The following BTRC variants were observed in gnomAD, a reference collection of about 807,000 sequenced individuals.
BTRC encodes beta-transducin repeat containing E3 ubiquitin protein ligase.
Under a neutral mutation model 85.5 loss-of-function variants are expected in BTRC, and 42 were observed. The observed-to-expected ratio is 0.49, with a 90% CI of 0.38 to 0.64. The LOEUF is 0.64. Ranked by LOEUF, BTRC falls within the 30% of genes least tolerant of loss-of-function variation. The pLI is 0.00. For synonymous variants in BTRC, 255 were observed against 263.3 expected (o/e 0.97, Z 0.30); for missense variants, 594 against 743.5 (o/e 0.80, Z 2.34).
chr10:101,366,938 T>TTA (rs1377900075), intron 1 of BTRC, among the ~76,000 whole-genome samples: 1 of 29,248 alleles, frequency 3.4e-5, no homozygotes, highest in Non-Finnish European at 8.0e-5. Context: ...TTATATATAT[T>TTA]TATATATATT....
Position 101,462,048 on chromosome 10 carries a change from CA to C in BTRC, c.225del (p.Arg77AspfsTer12). ...AGGAAGATAATACCAGAGAAGAATT[CA>C]CTTAGACAGGTATGAAATTCAGCCT... The part of the protein sequence containing the change: ...PPRKIIPEKN[S>X]LRQTYNSCAR... On this transcript the variant is annotated frameshift_variant, in exon 3 of 15. Coordinates refer to ENST00000370187, the MANE Select transcript of BTRC (RefSeq NM_033637.4). LOFTEE classifies it high-confidence loss of function. 1 of 1,609,242 alleles carries C rather than the reference CA, an allele frequency of 6.2e-7. No homozygotes were observed. The highest frequency in any genetic ancestry group is 8.5e-7 in the Non-Finnish European group (1 of 1,176,460).
At chr10:101,449,776 ATTG>A (rs1944913193) in intron 2 of BTRC, among the ~76,000 whole-genome samples, 1 of 150,574 alleles carries the variant, frequency 6.6e-6, no homozygotes, top group Admixed American at 6.6e-5. Context: ...TACTTTGTAC[ATTG>A]TTGTTGCATT....
rs555356813 is a variant in BTRC at position 101,524,267 on chromosome 10, C to G, written c.557-1746C>G. 3.9e-5 allele frequency among the ~76,000 whole-genome samples: 6 copies of G among 152,200 alleles called. No individual in the cohort carries two copies. In the South Asian group the frequency reaches 1.2e-3, roughly 32 times the overall value. On this transcript the variant is annotated intron_variant, in intron 5 of 14. Coordinates refer to ENST00000370187, the MANE Select transcript of BTRC (RefSeq NM_033637.4). ...CATTGGATTTTGTTTTAGCCATAGG[C>G]AAATAGTTTTCTTTGTACAAAACAG...
Position 101,354,351 on chromosome 10 carries a change from C to T in BTRC, c.48+123C>T, listed in dbSNP as rs957062290. ...CCCTGGGCCGAGGCTGGCGGCGGAG[C>T]GGCTGGAGGGATGGGATGGGAGCTC... On this transcript the variant is annotated intron_variant, in intron 1 of 14. Transcript: ENST00000370187. The T allele has an allele frequency of 1.2e-5, 13 of 1,125,794 alleles. No individual in the cohort carries two copies. The African/African-American group carries it at 1.5e-4, about 13-fold the overall frequency. The allele number at this position is 1,125,794 out of a possible 1,614,324, so 69.7% of individuals were successfully genotyped here. A position where few individuals can be genotyped will look rare whatever the true frequency, so the allele number is the denominator to read the frequency against.
chr10:101,416,885 C>T (rs1300000740), intron 1 of BTRC, among the ~76,000 whole-genome samples: 3 of 152,048 alleles, frequency 2.0e-5, no homozygotes, highest in African/African-American at 7.3e-5. Flanking sequence ...GAAATTTAGT[C>T]TGATAATAAT....
intron 4 of BTRC, among the ~76,000 whole-genome samples, chr10:101,515,594 C>A (rs1458491201): frequency 6.6e-6 from 1 of 151,508 alleles, no homozygotes; most frequent in Non-Finnish European, 1.5e-5. Context: ...TCACTGCAAT[C>A]TCCACCTCCC....
chr10:101,472,359 G>A (rs1945555364), intron 3 of BTRC, among the ~76,000 whole-genome samples: 1 of 118,240 alleles, frequency 8.5e-6, no homozygotes, highest in Non-Finnish European at 1.9e-5. Context: ...GTAGAGATGG[G>A]GTCTCTCCCT....
At chr10:101,480,153 A>T (rs992899201) in intron 4 of BTRC, among the ~76,000 whole-genome samples, 18 of 152,184 alleles carry the variant, frequency 1.2e-4, no homozygotes, top group Non-Finnish European at 2.6e-4. Context: ...TTTTACTTGA[A>T]TTATCTGCAA....
chr10:101,549,833 G>T (rs189851006), intron 13 of BTRC, among the ~76,000 whole-genome samples: 1 of 151,760 alleles, frequency 6.6e-6, no homozygotes, highest in Non-Finnish European at 1.5e-5. Context: ...TCTTCATCAG[G>T]GTGGTAACTG....
In BTRC at chr10:101,532,938, A is replaced by T. The variant is rs573967015; in HGVS notation, c.979-14A>T. On this transcript the variant is annotated splice_polypyrimidine_tract_variant and intron_variant, in intron 8 of 14. Coordinates refer to ENST00000370187, the MANE Select transcript of BTRC (RefSeq NM_033637.4). ...TCATCACATTGATCAAAAGGATCTT[A>T]TTTGCCATCCTAGATCTGGGATAAA... 285 of 1,584,532 alleles carry T rather than the reference A, an allele frequency of 1.8e-4. 1 individual carries two copies. The highest frequency in any genetic ancestry group is 8.4e-4 in the South Asian group (76 of 90,458).
chr10:101,531,943 C>G (rs2062288678), intron 7 of BTRC, among the ~76,000 whole-genome samples: 1 of 152,106 alleles, frequency 6.6e-6, no homozygotes, highest in Admixed American at 6.5e-5. Flanking sequence ...AGAAGTTCAT[C>G]AGTAGCAATC....
chr10:101,501,784 A>G (rs1451749164), intron 4 of BTRC, among the ~76,000 whole-genome samples: 1 of 152,258 alleles, frequency 6.6e-6, no homozygotes, highest in African/African-American at 2.4e-5. Context: ...CTTCAAAGAA[A>G]GGATACAAGT....
At chr10:101,404,026 A>AT (rs1438676972) in intron 1 of BTRC, among the ~76,000 whole-genome samples, 396 of 26,092 alleles carry the variant, frequency 0.015, 5 homozygotes, top group South Asian at 0.026. Flanking sequence ...ATATATATAT[A>AT]TATATTTTTT....
chr10:101,556,177 A>G lies in BTRC; in HGVS notation c.*3054A>G, dbSNP rs549832147. 23 of 152,130 alleles carry G rather than the reference A, an allele frequency of 1.5e-4. No individual in the cohort carries two copies. Among genetic ancestry groups the G allele is most frequent in the African/African-American group, 4.6e-4 (19 of 41,482 alleles). 9.4% of individuals were successfully genotyped at this position (152,130 alleles called of 1,614,324 possible). On this transcript the variant is annotated 3_prime_UTR_variant, in exon 15 of 15. Transcript: ENST00000370187. ...GAAAAGTCTGTGAGACCCCTACATC[A>G]TTCTGGTTTTTTTGCTTGAGTAAGA...
chr10:101,397,352 T>C (rs1431520880), intron 1 of BTRC, among the ~76,000 whole-genome samples: 1 of 152,208 alleles, frequency 6.6e-6, no homozygotes, highest in Admixed American at 6.5e-5. Flanking sequence ...TGATTAAAGC[T>C]AGCCTAGAAA....
intron 1 of BTRC, among the ~76,000 whole-genome samples, chr10:101,378,919 G>A (rs1942860204): frequency 6.6e-6 from 1 of 152,118 alleles, no homozygotes; most frequent in Admixed American, 6.5e-5. Context: ...CAGGTTTAGT[G>A]TTCAGTGTAA....
intron 12 of BTRC, among the ~76,000 whole-genome samples, chr10:101,537,021 C>T (rs1054388892): frequency 6.6e-6 from 1 of 152,140 alleles, no homozygotes; most frequent in Non-Finnish European, 1.5e-5. Flanking sequence ...TATTTGGGGA[C>T]TTAGTGTGGT....
chr10:101,385,567 T>C (rs1943048172), intron 1 of BTRC, among the ~76,000 whole-genome samples: 1 of 150,148 alleles, frequency 6.7e-6, no homozygotes, highest in South Asian at 2.1e-4. Context: ...TTCAAGGCTT[T>C]TTTTTTTAAT....
At chr10:101,407,841 G>A (rs979139788) in intron 1 of BTRC, among the ~76,000 whole-genome samples, 2 of 151,102 alleles carry the variant, frequency 1.3e-5, no homozygotes, top group Non-Finnish European at 2.9e-5. Context: ...TCCTGCCTCA[G>A]CCTCCCAAGA....
Sources: gnomAD v4.1 joint callset for allele counts (sites outside exome capture counted in the v4.1 genomes callset) on GRCh38, gnomAD v4.1.1 for gene constraint, MANE v1.5 for transcripts, NCBI Gene and HGNC (gene_info 2026-07-23, HGNC 2026-07-21) for gene names.